GPHN: variants seen among roughly 807,000 people sequenced by gnomAD.
GPHN encodes the protein gephyrin.
A neutral mutation model predicts 95.5 loss-of-function variants in GPHN; 17 were observed. The observed-to-expected ratio is 0.18, with a 90% CI of 0.12 to 0.27. The LOEUF (loss-of-function observed/expected upper bound fraction) is 0.27. GPHN is among the 10% of genes least tolerant of loss of function. The probability of loss-of-function intolerance (pLI) is 1.00; values close to 1 mark genes in which losing one functional copy is unlikely to be tolerated. For missense variants in GPHN, 660 were observed against 978.1 expected (o/e 0.67, Z 4.34); for synonymous variants, 320 against 322.5 (o/e 0.99, Z 0.08).
chr14:67,474,047 T>A, the GPHN span: 2 of 1,263,452 alleles, frequency 1.6e-6, no homozygotes, highest in Non-Finnish European at 2.1e-6. Context: ...AGGTCAGGAG[T>A]TCCAAACCAG....
intron 4 of GPHN, among the ~76,000 whole-genome samples, chr14:66,827,402 G>T (rs2061425976): frequency 2.0e-5 from 3 of 152,006 alleles, no homozygotes; most frequent in African/African-American, 7.2e-5. Context: ...AATAAGTCAG[G>T]AACCAAGAAG....
chr14:66,987,125 A>G (rs915891693), intron 9 of GPHN, among the ~76,000 whole-genome samples: 11 of 152,178 alleles, frequency 7.2e-5, no homozygotes, highest in Middle Eastern at 3.2e-3. Flanking sequence ...TTATTCAGTC[A>G]GAAAAATGTG....
chr14:67,416,182 ATTT>A, the GPHN span, among the ~76,000 whole-genome samples: 1 of 152,276 alleles, frequency 6.6e-6, no homozygotes, highest in Non-Finnish European at 1.5e-5. Flanking sequence ...TTGCTTATTT[ATTT>A]TTTATCAGCC....
At chr14:66,887,551 G>A (rs545885771) in intron 5 of GPHN, among the ~76,000 whole-genome samples, 1 of 152,254 alleles carries the variant, frequency 6.6e-6, no homozygotes, top group South Asian at 2.1e-4. Context: ...CTCCAGCCTG[G>A]CGACAGAGCG....
the GPHN span, among the ~76,000 whole-genome samples, chr14:67,608,915 T>TGTGACCAAGTGTATAGG: frequency 6.6e-6 from 1 of 152,334 alleles, no homozygotes; most frequent in Admixed American, 6.5e-5. Context: ...AGAAAACTTC[T>TGTGACCAAGTGTATAGG]GTGACCAAGC....
chr14:67,420,312 C>T, the GPHN span, among the ~76,000 whole-genome samples: 18 of 152,212 alleles, frequency 1.2e-4, no homozygotes, highest in Non-Finnish European at 1.8e-4. Context: ...TGCTGCCCGC[C>T]GCTAGGTGGA....
At chr14:67,240,354 G>T in the GPHN span, among the ~76,000 whole-genome samples, 4 of 152,102 alleles carry the variant, frequency 2.6e-5, no homozygotes, top group Non-Finnish European at 4.4e-5. Context: ...CAGGACCTGA[G>T]GACATTGCGA....
At chr14:66,585,275 C>G (rs1331893769) in intron 1 of GPHN, among the ~76,000 whole-genome samples, 3 of 152,114 alleles carry the variant, frequency 2.0e-5, no homozygotes, top group Non-Finnish European at 4.4e-5. Flanking sequence ...TGATTCTTCT[C>G]TCTTTTCTTC....
chr14:67,445,601 T>TTTTTTTC, the GPHN span, among the ~76,000 whole-genome samples: 1 of 141,502 alleles, frequency 7.1e-6, no homozygotes, highest in Non-Finnish European at 1.5e-5. Flanking sequence ...TTTTTTTTTT[T>TTTTTTTC]TGAGATAGGG....
chr14:66,776,625 T>A lies in GPHN; in HGVS notation c.201+104T>A, dbSNP rs1474321267. The A allele has an allele frequency of 6.4e-6, 5 of 778,834 alleles. No individual in the cohort carries two copies. In the East Asian group the frequency reaches 1.2e-4, roughly 19 times the overall value. 48.2% of individuals were successfully genotyped at this position (778,834 alleles called of 1,614,324 possible). ...CCATTGATATTTGGCTATGTTAGAA[T>A]ATTATTTAATTCTCAGTTATCATAG... On this transcript the variant is annotated intron_variant, in intron 3 of 22. Coordinates refer to ENST00000478722, the MANE Select transcript of GPHN (RefSeq NM_020806.5).
the GPHN span, among the ~76,000 whole-genome samples, chr14:67,387,684 C>T: frequency 2.0e-5 from 3 of 152,234 alleles, no homozygotes; most frequent in African/African-American, 4.8e-5. Flanking sequence ...CTGGATATTC[C>T]TGGAAGCCCT....
At chr14:67,609,395 A>G in the GPHN span, among the ~76,000 whole-genome samples, 31 of 152,176 alleles carry the variant, frequency 2.0e-4, no homozygotes, top group East Asian at 4.6e-3. Context: ...GTTGGGGTGC[A>G]CCGCCTTCCC....
intron 4 of GPHN, among the ~76,000 whole-genome samples, chr14:66,835,154 TTATTA>T (rs2061742931): frequency 6.6e-6 from 1 of 151,172 alleles, no homozygotes; most frequent in South Asian, 2.1e-4. Context: ...CTTTTTTTCT[TTATTA>T]GTCTTGCTAG....
chr14:67,386,089 C>A, the GPHN span: 1 of 152,538 alleles, frequency 6.6e-6, no homozygotes, highest in East Asian at 1.9e-4. Context: ...ACACTGTTGC[C>A]AATTTGGAGG....
the GPHN span, among the ~76,000 whole-genome samples, chr14:67,696,075 A>G: frequency 0.11 from 16,687 of 152,156 alleles, 1,318 homozygotes; most frequent in South Asian, 0.34. Context: ...AGATCCTCTT[A>G]TCCACATAGA....
At chr14:66,837,853 T>A (rs1215150930) in intron 4 of GPHN, among the ~76,000 whole-genome samples, 1 of 151,992 alleles carries the variant, frequency 6.6e-6, no homozygotes, top group South Asian at 2.1e-4. Context: ...ACCTACTCTA[T>A]GTCAGAATAT....
intron 1 of GPHN, among the ~76,000 whole-genome samples, chr14:66,561,652 A>G (rs1466904805): frequency 2.6e-5 from 4 of 152,162 alleles, no homozygotes; most frequent in East Asian, 1.9e-4. Flanking sequence ...TAATCTATAT[A>G]TGTGTATTAT....
chr14:66,579,689 C>T (rs1198411521), intron 1 of GPHN, among the ~76,000 whole-genome samples: 2 of 151,746 alleles, frequency 1.3e-5, no homozygotes, highest in Non-Finnish European at 3.0e-5. Context: ...AATATCAGAA[C>T]ACCTAAATAC....
At chr14:67,338,841 C>G in the GPHN span, 1 of 1,371,966 alleles carries the variant, frequency 7.3e-7, no homozygotes, top group Middle Eastern at 2.0e-4. Flanking sequence ...AGTTTTGTAA[C>G]AAGGATAATA....
Sources: gnomAD v4.1 joint callset for allele counts (sites outside exome capture counted in the v4.1 genomes callset) on GRCh38, gnomAD v4.1.1 for gene constraint, MANE v1.5 for transcripts, NCBI Gene and HGNC (gene_info 2026-07-23, HGNC 2026-07-21) for gene names.